The following CAMTA1 variants were observed in gnomAD, a reference collection of about 807,000 sequenced individuals.
The protein encoded by CAMTA1 is calmodulin binding transcription activator 1.
In CAMTA1, 27 loss-of-function variants were observed where a neutral mutation model predicts 170.9. The ratio of observed to expected loss-of-function variants is 0.16; its 90% confidence interval spans 0.12 to 0.22. The LOEUF (loss-of-function observed/expected upper bound fraction) is 0.22. Among genes scored for constraint, CAMTA1 ranks in the 10% least tolerant of loss-of-function variants. The pLI is 1.00. For synonymous variants in CAMTA1, 833 were observed against 891.5 expected (o/e 0.93, Z 1.17); for missense variants, 1,619 against 2,217.2 (o/e 0.73, Z 5.42).
chr1:7,279,025 G>A (rs1181297727), intron 5 of CAMTA1, among the ~76,000 whole-genome samples: 1 of 152,172 alleles, frequency 6.6e-6, no homozygotes, highest in African/African-American at 2.4e-5. Context: ...GTGGGGGAAA[G>A]GGATATGCAA....
At chr1:6,831,294 CTTGTTTCA>C (rs1163455106) in intron 3 of CAMTA1, among the ~76,000 whole-genome samples, 16 of 152,204 alleles carry the variant, frequency 1.1e-4, no homozygotes, top group Non-Finnish European at 1.9e-4. Flanking sequence ...AGAACCTACT[CTTGTTTCA>C]TAATCAGTTT....
At position 7,673,518 on chromosome 1, in the gene CAMTA1, TG is replaced by T. The variant is rs1299627478; in HGVS notation, c.2779+2485del. Among the ~76,000 whole-genome samples, 1 of 152,188 alleles carries T rather than the reference TG, an allele frequency of 6.6e-6. No homozygotes were observed. The highest frequency in any genetic ancestry group is 2.1e-4 in the South Asian group (1 of 4,836). ...TCTCAACAGGCAGTTCTCCTGGTCC[TG>T]GGGCATTTCTGGGTCCCCAGAGATG... On this transcript the variant is annotated intron_variant, in intron 10 of 22. Transcript: ENST00000303635. This position sits in a 1 kb window ranked among gnomAD's most constrained non-coding sequence, Gnocchi z 4.6.
chr1:7,276,303 A>ATATAATTTTTTT lies in CAMTA1; in HGVS notation c.438+26678_438+26679insATAATTTTTTTT. Among the ~76,000 whole-genome samples, 9 of 24,228 alleles carry ATATAATTTTTTT rather than the reference A, an allele frequency of 3.7e-4. 1 individual carries two copies. Among genetic ancestry groups the ATATAATTTTTTT allele is most frequent in the African/African-American group, 2.7e-3 (9 of 3,362 alleles). 15.9% of individuals were successfully genotyped at this position (24,228 alleles called of 152,430 possible). A position where few individuals can be genotyped will look rare whatever the true frequency, so the allele number is the denominator to read the frequency against. ...CATATATATATATATATATATATAT[A>ATATAATTTTTTT]TTTTTTTTTTTTTTTTTTCTTTTTG... On this transcript the variant is annotated intron_variant, in intron 5 of 22. Coordinates refer to ENST00000303635, the MANE Select transcript of CAMTA1 (RefSeq NM_015215.4).
intron 6 of CAMTA1, among the ~76,000 whole-genome samples, chr1:7,589,611 G>A (rs943251368): frequency 6.6e-6 from 1 of 152,130 alleles, no homozygotes; most frequent in African/African-American, 2.4e-5. Context: ...CTCGACCTCT[G>A]TCGCTCAGCA....
At chr1:7,118,575 A>T (rs780809755) in intron 4 of CAMTA1, among the ~76,000 whole-genome samples, 1 of 151,942 alleles carries the variant, frequency 6.6e-6, no homozygotes, top group Non-Finnish European at 1.5e-5. Context: ...ACAGCAGAGA[A>T]GTTTGTCTGA....
At chr1:7,569,712 C>T (rs1002076890) in intron 6 of CAMTA1, among the ~76,000 whole-genome samples, 1 of 151,902 alleles carries the variant, frequency 6.6e-6, no homozygotes, top group African/African-American at 2.4e-5. Flanking sequence ...TCATCATCAC[C>T]ACCATTGTCA....
At chr1:7,381,594 G>A (rs886739530) in intron 5 of CAMTA1, among the ~76,000 whole-genome samples, 1 of 151,546 alleles carries the variant, frequency 6.6e-6, no homozygotes, top group African/African-American at 2.4e-5. Flanking sequence ...TTGCTATTGT[G>A]AATAGTGCCG....
intron 6 of CAMTA1, among the ~76,000 whole-genome samples, chr1:7,510,397 G>C (rs2094188149): frequency 6.9e-6 from 1 of 145,666 alleles, no homozygotes; most frequent in Non-Finnish European, 1.5e-5. Flanking sequence ...TGGCATTGAT[G>C]CACCTTGCTT....
intron 3 of CAMTA1, among the ~76,000 whole-genome samples, chr1:6,844,690 C>CAAA (rs1180942073): frequency 2.7e-4 from 14 of 52,008 alleles, no homozygotes; most frequent in African/African-American, 9.0e-4. Context: ...ACCCTGTGTC[C>CAAA]AAAAAAAAAA....
chr1:7,676,317 G>A (rs919286322), intron 10 of CAMTA1, among the ~76,000 whole-genome samples: 1 of 152,242 alleles, frequency 6.6e-6, no homozygotes. Context: ...GCCTGGAGCT[G>A]AGGTTCCCAG....
intron 4 of CAMTA1, among the ~76,000 whole-genome samples, chr1:7,166,371 G>A (rs1285389355): frequency 1.3e-5 from 2 of 152,076 alleles, no homozygotes; most frequent in Non-Finnish European, 2.9e-5. Context: ...CGGCCTACTT[G>A]GATACTCTCA....
chr1:7,024,028 CA>C (rs35095557), intron 3 of CAMTA1, among the ~76,000 whole-genome samples: 29,024 of 95,958 alleles, frequency 0.3, 2,558 homozygotes, highest in East Asian at 0.37. Flanking sequence ...GACTCTGTCT[CA>C]AAAAAAAAAA....
chr1:7,354,639 C>A (rs1337504277), intron 5 of CAMTA1, among the ~76,000 whole-genome samples: 1 of 152,184 alleles, frequency 6.6e-6, no homozygotes, highest in East Asian at 1.9e-4. Context: ...GAGAAGTCTC[C>A]AAACTGCTTT....
chr1:7,083,355 A>C (rs1640283245), intron 3 of CAMTA1, among the ~76,000 whole-genome samples: 1 of 152,230 alleles, frequency 6.6e-6, no homozygotes, highest in Non-Finnish European at 1.5e-5. Flanking sequence ...AAAAAAATAT[A>C]ACCCATTTTT....
chr1:6,803,049 C>T (rs1036042422), intron 1 of CAMTA1, among the ~76,000 whole-genome samples: 1 of 152,150 alleles, frequency 6.6e-6, no homozygotes, highest in African/African-American at 2.4e-5. Flanking sequence ...GTGCCCGGCC[C>T]CAGAACTTTT....
chr1:7,658,981 C>T (rs749904243), intron 7 of CAMTA1, among the ~76,000 whole-genome samples: 3 of 152,182 alleles, frequency 2.0e-5, no homozygotes, highest in Admixed American at 6.5e-5. Context: ...CTGAACATGG[C>T]GGCTTGGCAA....
intron 1 of CAMTA1, among the ~76,000 whole-genome samples, chr1:6,817,154 TA>T (rs1252927143): frequency 6.6e-6 from 1 of 152,212 alleles, no homozygotes; most frequent in Non-Finnish European, 1.5e-5. Flanking sequence ...AAGTTGGGTA[TA>T]AAAATCCTTT....
rs1249083815 is a variant in CAMTA1, at chr1:6,918,241, C to CA, written c.234+93032dup. Among the ~76,000 whole-genome samples the CA allele has an allele frequency of 2.0e-5, 3 of 152,170 alleles. No homozygotes were observed. The highest frequency in any genetic ancestry group is 7.2e-5 in the African/African-American group (3 of 41,428). Reference sequence around the variant, plus strand: ...AGAAACCTTTCACCCAGCCCTAAACCAGCTGCTTCTGGAGAGTACTGAAGA... The same window carrying CA: ...AGAAACCTTTCACCCAGCCCTAAACCAAGCTGCTTCTGGAGAGTACTGAAGA... On this transcript the variant is annotated intron_variant, in intron 3 of 22. Transcript: ENST00000303635. This position sits in a 1 kb window ranked among gnomAD's most constrained non-coding sequence, Gnocchi z 4.0.
intron 6 of CAMTA1, among the ~76,000 whole-genome samples, chr1:7,612,793 C>T (rs1308294920): frequency 2.6e-5 from 4 of 152,210 alleles, no homozygotes; most frequent in Admixed American, 2.0e-4. Flanking sequence ...CCCACTGGGG[C>T]TCTTGGGGCC....
Sources: allele counts gnomAD v4.1 joint callset (sites outside exome capture counted in the v4.1 genomes callset), GRCh38; gene constraint gnomAD v4.1.1; non-coding constraint Gnocchi (gnomAD v3.1); transcripts MANE v1.5; gene names NCBI Gene and HGNC (gene_info 2026-07-23, HGNC 2026-07-21).